LCORL: variants seen among roughly 807,000 people sequenced by gnomAD.
The protein encoded by LCORL is ligand-dependent nuclear receptor corepressor-like protein.
In LCORL, 41 loss-of-function variants were observed where a neutral mutation model predicts 141.8. That is an observed-to-expected ratio of 0.29 (90% confidence interval 0.23 to 0.38). The LOEUF is 0.38. Among genes scored for constraint, LCORL ranks in the 10% least tolerant of loss-of-function variants. LCORL has a pLI of 1.00. For missense variants in LCORL, 1,759 were observed against 2,035.0 expected (o/e 0.86, Z 2.61); for synonymous variants, 618 against 694.1 (o/e 0.89, Z 1.72).
chr4:17,871,721 A>T (rs973239928), intron 7 of LCORL, among the ~76,000 whole-genome samples: 4 of 146,650 alleles, frequency 2.7e-5, no homozygotes, highest in Non-Finnish European at 4.5e-5. Flanking sequence ...GAATTATAAT[A>T]AAAAAAAAAC....
chr4:18,021,874 C>A lies in LCORL; in HGVS notation c.-123G>T. The A allele has an allele frequency of 8.9e-7, 1 of 1,118,960 alleles. No individual in the cohort carries two copies. Among genetic ancestry groups the A allele is most frequent in the South Asian group, 1.7e-5 (1 of 57,420 alleles). The allele number at this position is 1,118,960 out of a possible 1,614,324, so 69.3% of individuals were successfully genotyped here. The stretch of plus-strand genomic sequence containing the variant: ...CGGAGGGGGGTTGATTGACACGTGT[C>A]ACTACCTTCCCTCTGCCCTGCCCTC... On this transcript the variant is annotated 5_prime_UTR_variant, in exon 1 of 8. Transcript: ENST00000635767. This position sits in a 1 kb window ranked among gnomAD's most constrained non-coding sequence, Gnocchi z 5.5.
chr4:17,875,897 T>A, exon 7 of LCORL: 1 of 1,231,276 alleles, frequency 8.1e-7, no homozygotes. Context: ...TGTTTAGTTC[T>A]CTTTGAAAAG....
Position 17,950,406 on chromosome 4 carries a change from G to A in LCORL, c.430+11497C>T, listed in dbSNP as rs571466740. Among the ~76,000 whole-genome samples the A allele has an allele frequency of 3.4e-4, 51 of 152,178 alleles. No individual in the cohort carries two copies. The Middle Eastern group carries it at 0.01, about 30-fold the overall frequency. ...TGCCTTCCAATTGAATGTCATTAAC[G>A]CAGCCTATAGACAAAGGACATATCA... On this transcript the variant is annotated intron_variant, in intron 4 of 7. Coordinates refer to ENST00000635767, the Ensembl canonical transcript of LCORL.
At chr4:17,888,167 T>C (rs1728555200) in intron 5 of LCORL, among the ~76,000 whole-genome samples, 2 of 152,098 alleles carry the variant, frequency 1.3e-5, no homozygotes, top group African/African-American at 4.8e-5. Context: ...GTGCCTGGCA[T>C]ACAATAAGTA....
rs1379551682 is a variant in LCORL at position 17,851,194 on chromosome 4, G to GA, written c.5603-5294_5603-5293insT. On this transcript the variant is annotated intron_variant, in intron 7 of 7. Transcript: ENST00000635767. ...CCTAATGCTAAATGACGAGTTAATG[G>GA]GTGCAGCACACCAGCATGGCACATG... is the stretch of plus-strand genomic sequence containing the variant. 6.0e-5 allele frequency among the ~76,000 whole-genome samples: 9 copies of GA among 150,652 alleles called. 2 individuals are homozygous for GA.
intron 6 of LCORL, chr4:17,883,787 T>G (rs201420985): frequency 1.3e-6 from 2 of 1,550,502 alleles, no homozygotes; most frequent in Non-Finnish European, 1.7e-6. Flanking sequence ...TAACCCAGTG[T>G]CTGGTAATCG....
intron 4 of LCORL, among the ~76,000 whole-genome samples, chr4:17,918,255 CTGT>C (rs1258536820): frequency 6.6e-6 from 1 of 152,156 alleles, no homozygotes; most frequent in African/African-American, 2.4e-5. Flanking sequence ...ATCTGATTTC[CTGT>C]TATCACGCTG....
At chr4:17,878,762 G>A (rs1175073820) in intron 6 of LCORL, among the ~76,000 whole-genome samples, 6 of 151,110 alleles carry the variant, frequency 4.0e-5, no homozygotes, top group East Asian at 1.9e-4. Context: ...AGCTGCAGGC[G>A]TTAGCTATTT....
chr4:17,851,273 TATA>T (rs1466953509), intron 7 of LCORL, among the ~76,000 whole-genome samples: 2 of 151,830 alleles, frequency 1.3e-5, no homozygotes, highest in Admixed American at 6.6e-5. Flanking sequence ...AAACTTAAAG[TATA>T]ATAATAAAAA....
Position 17,871,720 on chromosome 4 carries a change from T to TA in LCORL, c.5602+1667dup, listed in dbSNP as rs537050669. Among the ~76,000 whole-genome samples the TA allele has an allele frequency of 6.5e-3, 960 of 148,408 alleles. 14 individuals are homozygous for TA. Among genetic ancestry groups the TA allele is most frequent in the African/African-American group, 0.02 (815 of 40,622 alleles). On this transcript the variant is annotated intron_variant, in intron 7 of 7. Coordinates refer to ENST00000635767, the Ensembl canonical transcript of LCORL. The stretch of plus-strand genomic sequence containing the variant: ...GTGTATATTTTCAGATGAATTATAA[T>TA]AAAAAAAAAACCACTATCAGGTTTT...
chr4:17,956,937 A>T (rs1280754614), intron 4 of LCORL, among the ~76,000 whole-genome samples: 1 of 152,112 alleles, frequency 6.6e-6, no homozygotes, highest in Non-Finnish European at 1.5e-5. Context: ...CAATAAATAA[A>T]AAATAAATAT....
At position 17,962,038 on chromosome 4, in the gene LCORL, A is replaced by G; in HGVS notation, c.301-6T>C. The G allele has an allele frequency of 6.4e-7, 1 of 1,567,236 alleles. No homozygotes were observed. ...TCAAGAGATGGTATACAATCCTAAA[A>G]GTATAAGAAAACAACAACATACAGA... On this transcript the variant is annotated splice_region_variant and splice_polypyrimidine_tract_variant and intron_variant, in intron 3 of 7. Transcript: ENST00000635767.
chr4:17,879,022 T>A (rs73242126), intron 6 of LCORL, among the ~76,000 whole-genome samples: 1 of 151,180 alleles, frequency 6.6e-6, no homozygotes, highest in African/African-American at 2.4e-5. Context: ...TTCAGAAAAG[T>A]ATTTTAATTA....
At chr4:17,874,015 G>T in exon 7 of LCORL, 1 of 1,234,122 alleles carries the variant, frequency 8.1e-7, no homozygotes, top group Non-Finnish European at 1.0e-6. Context: ...AAAACACACT[G>T]ATTATCTACT....
At chr4:17,996,532 T>C (rs1365756733) in intron 1 of LCORL, among the ~76,000 whole-genome samples, 1 of 152,004 alleles carries the variant, frequency 6.6e-6, no homozygotes, top group Admixed American at 6.6e-5. Flanking sequence ...GTGAAAAATA[T>C]ATACCTCCAG....
chr4:17,961,867 T>G (rs372651832), intron 4 of LCORL, 36 bp downstream of exon 4: 1 of 1,582,302 alleles, frequency 6.3e-7, no homozygotes, highest in Non-Finnish European at 8.6e-7. Context: ...TACATCTCTA[T>G]TGCAAATTTT....
At chr4:17,962,104 CA>C (rs1373408799) in intron 3 of LCORL, 72 bp from the exon 4 acceptor site, 2 of 1,090,456 alleles carry the variant, frequency 1.8e-6, no homozygotes, top group Admixed American at 4.6e-5. Flanking sequence ...TTAAAAATGA[CA>C]AAAAATTAAT....
intron 6 of LCORL, chr4:17,881,163 T>A: frequency 1.0e-6 from 1 of 980,650 alleles, no homozygotes; most frequent in Non-Finnish European, 1.2e-6. Flanking sequence ...TCCTTCTTTT[T>A]TTTTTTAATA....
chr4:17,981,522 T>A (rs1717986252), intron 1 of LCORL, among the ~76,000 whole-genome samples: 1 of 152,102 alleles, frequency 6.6e-6, no homozygotes, highest in African/African-American at 2.4e-5. Context: ...TTTGGGAGGC[T>A]GAGGTGGGCA....
Sources: gnomAD v4.1 joint callset for allele counts (sites outside exome capture counted in the v4.1 genomes callset) on GRCh38, gnomAD v4.1.1 for gene constraint, Gnocchi (gnomAD v3.1) non-coding constraint, MANE v1.5 for transcripts, NCBI Gene and HGNC (gene_info 2026-07-23, HGNC 2026-07-21) for gene names.